The following GMDS variants were observed in gnomAD, a reference collection of about 807,000 sequenced individuals.
The protein encoded by GMDS is GDP-mannose 4,6-dehydratase.
A neutral mutation model predicts 49.9 loss-of-function variants in GMDS; 20 were observed. That is an observed-to-expected ratio of 0.40 (90% confidence interval 0.28 to 0.58). GMDS has a LOEUF of 0.58. Among genes scored for constraint, GMDS ranks in the 20% least tolerant of loss-of-function variants. The probability of loss-of-function intolerance (pLI) is 0.42; values close to 1 mark genes in which losing one functional copy is unlikely to be tolerated. For synonymous variants in GMDS, 177 were observed against 178.6 expected, an observed-to-expected ratio of 0.99 and a Z score of 0.07; for missense variants, 362 against 481.4, an observed-to-expected ratio of 0.75 and a Z score of 2.32.
At chr6:1,668,436 G>A (rs9328063) in intron 9 of GMDS, among the ~76,000 whole-genome samples, 28,776 of 152,182 alleles carry the variant, frequency 0.19, 3,174 homozygotes, top group East Asian at 0.52. Flanking sequence ...GGGGCCAGGC[G>A]CAATGGCTCA....
At chr6:2,096,294 C>T (rs1773600503) in intron 4 of GMDS, among the ~76,000 whole-genome samples, 1 of 152,066 alleles carries the variant, frequency 6.6e-6, no homozygotes, top group Admixed American at 6.6e-5. Flanking sequence ...TGTTATACAT[C>T]CAGTGTCTTA....
At chr6:1,843,410 G>A (rs111642994) in intron 7 of GMDS, among the ~76,000 whole-genome samples, 139 of 152,254 alleles carry the variant, frequency 9.1e-4, no homozygotes, top group Admixed American at 1.5e-3. Flanking sequence ...CTACATCAAT[G>A]TACAGTATAA....
intron 6 of GMDS, among the ~76,000 whole-genome samples, chr6:1,939,967 A>G (rs1762741790): frequency 6.6e-6 from 1 of 152,130 alleles, no homozygotes; most frequent in Non-Finnish European, 1.5e-5. Flanking sequence ...AGTTCTACTT[A>G]CCACACTACA....
chr6:1,700,509 A>AAGC (rs1053621134), intron 9 of GMDS, among the ~76,000 whole-genome samples: 2 of 152,196 alleles, frequency 1.3e-5, no homozygotes, highest in Non-Finnish European at 2.9e-5. Context: ...CCTGGGAGAA[A>AAGC]AGCAGCTCTA....
intron 1 of GMDS, among the ~76,000 whole-genome samples, chr6:2,240,327 G>C (rs1781554717): frequency 6.6e-6 from 1 of 152,176 alleles, no homozygotes; most frequent in Non-Finnish European, 1.5e-5. Flanking sequence ...ACTATGGAGG[G>C]AAGGTCCATT....
At chr6:1,835,496 T>C (rs752193912) in intron 7 of GMDS, among the ~76,000 whole-genome samples, 6 of 152,216 alleles carry the variant, frequency 3.9e-5, no homozygotes, top group Non-Finnish European at 8.8e-5. Flanking sequence ...AGAGTTTACA[T>C]AGAAGGAGAT....
At chr6:2,117,884 G>C (rs544516227) in intron 2 of GMDS, among the ~76,000 whole-genome samples, 3 of 152,244 alleles carry the variant, frequency 2.0e-5, no homozygotes, top group African/African-American at 7.2e-5. Flanking sequence ...TTTTCCATTT[G>C]AAACTGAAGA....
rs369080253 is a variant in GMDS at position 2,115,911 on chromosome 6, G to A, written c.236-31C>T. ...GGATACAAAAACATCCCATTAGATA[G>A]AGAAAAGCAACATAAGCTCAATTTT... On this transcript the variant is annotated intron_variant, in intron 3 of 10. Coordinates refer to ENST00000380815, the MANE Select transcript of GMDS (RefSeq NM_001500.4). The A allele has an allele frequency of 1.2e-5, 15 of 1,219,020 alleles. No individual in the cohort carries two copies. The South Asian group carries it at 1.6e-4, about 13-fold the overall frequency. The allele number at this position is 1,219,020 out of a possible 1,614,324, so 75.5% of individuals were successfully genotyped here. A position where few individuals can be genotyped will look rare whatever the true frequency, so the allele number is the denominator to read the frequency against.
At chr6:1,785,413 C>T (rs959428438) in intron 7 of GMDS, among the ~76,000 whole-genome samples, 3 of 152,132 alleles carry the variant, frequency 2.0e-5, no homozygotes, top group South Asian at 2.1e-4. Flanking sequence ...TCTTTGGGCC[C>T]GCAATTTGGA....
At chr6:2,189,435 A>G (rs572395231) in intron 1 of GMDS, among the ~76,000 whole-genome samples, 1 of 152,316 alleles carries the variant, frequency 6.6e-6, no homozygotes, top group Admixed American at 6.5e-5. Flanking sequence ...TTTTCAGTCC[A>G]TAATGGTGAT....
intron 4 of GMDS, among the ~76,000 whole-genome samples, chr6:1,971,184 T>C (rs993651048): frequency 1.3e-5 from 2 of 152,112 alleles, no homozygotes; most frequent in Admixed American, 6.5e-5. Flanking sequence ...CTATAGTTTG[T>C]TCAGTGGGCA....
intron 7 of GMDS, among the ~76,000 whole-genome samples, chr6:1,813,094 T>C (rs1770509684): frequency 1.3e-5 from 2 of 151,710 alleles, no homozygotes; most frequent in Admixed American, 1.3e-4. Flanking sequence ...TGGTGGTGTA[T>C]GAGCACAGTC....
At chr6:1,759,375 C>CAG (rs1768076162) in intron 7 of GMDS, among the ~76,000 whole-genome samples, 1 of 152,212 alleles carries the variant, frequency 6.6e-6, no homozygotes, top group South Asian at 2.1e-4. Flanking sequence ...AGTCATACAC[C>CAG]TGCTAAGTGT....
chr6:1,765,853 G>T (rs997823132), intron 7 of GMDS, among the ~76,000 whole-genome samples: 2 of 152,176 alleles, frequency 1.3e-5, no homozygotes, highest in Non-Finnish European at 2.9e-5. Flanking sequence ...GAAAGGTTTA[G>T]GAAATAGCAG....
chr6:1,760,987 T>A (rs1157488601), intron 7 of GMDS, among the ~76,000 whole-genome samples: 1 of 152,120 alleles, frequency 6.6e-6, no homozygotes, highest in African/African-American at 2.4e-5. Context: ...CCAGTTGTAT[T>A]TAAGAAAACA....
intron 4 of GMDS, among the ~76,000 whole-genome samples, chr6:2,107,614 G>T (rs1162899701): frequency 6.6e-6 from 1 of 152,216 alleles, no homozygotes; most frequent in African/African-American, 2.4e-5. Flanking sequence ...CACAGGTGAA[G>T]GGACAACAGG....
rs145677319 is a variant in GMDS, at chr6:1,952,671, G to C, written c.643+7196C>G. Among the ~76,000 whole-genome samples the C allele has an allele frequency of 3.9e-4, 59 of 152,182 alleles. No homozygotes were observed. The East Asian group carries it at 8.9e-3, about 23-fold the overall frequency. On this transcript the variant is annotated intron_variant, in intron 6 of 10. Coordinates refer to ENST00000380815, the MANE Select transcript of GMDS (RefSeq NM_001500.4). Reference sequence around the variant, plus strand: ...GATCTGTTGCAAGGCCCCATGGTCAGAGACAGAGGAGCAAAGTTACATATG... The same window carrying C: ...GATCTGTTGCAAGGCCCCATGGTCACAGACAGAGGAGCAAAGTTACATATG...
At chr6:2,188,634 T>C (rs1455259247) in intron 1 of GMDS, among the ~76,000 whole-genome samples, 1 of 152,242 alleles carries the variant, frequency 6.6e-6, no homozygotes, top group African/African-American at 2.4e-5. Context: ...AGTGTCAGGA[T>C]ATCAAGATGA....
intron 7 of GMDS, among the ~76,000 whole-genome samples, chr6:1,800,797 C>T (rs1350555460): frequency 1.3e-5 from 2 of 152,106 alleles, no homozygotes; most frequent in African/African-American, 4.8e-5. Flanking sequence ...CTGGGTGAAG[C>T]AGGCACAGCA....
Sources: allele counts gnomAD v4.1 joint callset (sites outside exome capture counted in the v4.1 genomes callset), GRCh38; gene constraint gnomAD v4.1.1; transcripts MANE v1.5; gene names NCBI Gene and HGNC (gene_info 2026-07-23, HGNC 2026-07-21).